GABRG1: variants seen among roughly 807,000 people sequenced by gnomAD.
The protein encoded by GABRG1 is gamma-aminobutyric acid type A receptor subunit gamma1.
GABRG1 carries 49 observed loss-of-function variants against 49.8 expected under a neutral mutation model. The observed-to-expected ratio is 0.98, with a 90% CI of 0.78 to 1.25. The LOEUF is 1.25. Among genes scored for constraint, GABRG1 ranks in the 50% most tolerant of loss-of-function variants. The pLI, the probability that GABRG1 is intolerant of heterozygous loss-of-function variation, is 0.00. For missense variants in GABRG1, 552 were observed against 552.3 expected (o/e 1.00, Z 0.01); for synonymous variants, 232 against 185.1 (o/e 1.25, Z -2.06).
chr4:46,056,717 A>G (rs1396938446), intron 7 of GABRG1, among the ~76,000 whole-genome samples: 2 of 152,130 alleles, frequency 1.3e-5, no homozygotes, highest in Non-Finnish European at 2.9e-5. Context: ...AAAGCATTGG[A>G]TACATTGTAG....
At chr4:46,063,503 G>A (rs977820544) in intron 5 of GABRG1, among the ~76,000 whole-genome samples, 4 of 152,238 alleles carry the variant, frequency 2.6e-5, no homozygotes, top group Admixed American at 6.5e-5. Context: ...GGTGAAACTG[G>A]ATCCCTTCCT....
At position 46,118,077 on chromosome 4, in the gene GABRG1, T is replaced by C. The variant is rs1190780434; in HGVS notation, c.104+5733A>G. On this transcript the variant is annotated intron_variant, in intron 1 of 8. Transcript: ENST00000295452. ...GTGTATGTATACATATGTGTGTGTATATATATACATATGTATACATATGTG... is the reference window on the plus strand; with the variant it reads ...GTGTATGTATACATATGTGTGTGTACATATATACATATGTATACATATGTG... 5.0e-5 allele frequency among the ~76,000 whole-genome samples: 6 copies of C among 120,786 alleles called. 1 individual carries two copies. 79.2% of individuals were successfully genotyped at this position (120,786 alleles called of 152,430 possible).
rs1295036559 is a variant in GABRG1 at position 46,037,219 on chromosome 4, C to T, written c.*3769G>A. ...AGTACTTTGTACACAGAAAGTGCTG[C>T]ATATATATTTGAATGAGGTTACCTC... On this transcript the variant is annotated 3_prime_UTR_variant, in exon 9 of 9. Coordinates refer to ENST00000295452, the MANE Select transcript of GABRG1 (RefSeq NM_173536.4). 6.6e-6 allele frequency: 1 copy of T among 151,792 alleles called. No homozygotes were observed. Among genetic ancestry groups the T allele is most frequent in the Non-Finnish European group, 1.5e-5 (1 of 67,854 alleles). The allele number at this position is 151,792 out of a possible 1,614,324, so 9.4% of individuals were successfully genotyped here. A position where few individuals can be genotyped will look rare whatever the true frequency, so the allele number is the denominator to read the frequency against.
chr4:46,061,672 T>C (rs1003436065), intron 5 of GABRG1, among the ~76,000 whole-genome samples: 1 of 145,478 alleles, frequency 6.9e-6, no homozygotes, highest in Non-Finnish European at 1.5e-5. Flanking sequence ...ATATACCAGG[T>C]TTTTTTTTAG....
At chr4:46,065,853 G>T (rs1016911140) in intron 3 of GABRG1, among the ~76,000 whole-genome samples, 1 of 152,102 alleles carries the variant, frequency 6.6e-6, no homozygotes, top group Non-Finnish European at 1.5e-5. Flanking sequence ...CTCCGGAGGA[G>T]CTGGGACAAC....
chr4:46,102,846 C>G (rs548508485), intron 1 of GABRG1, among the ~76,000 whole-genome samples: 28 of 151,594 alleles, frequency 1.8e-4, no homozygotes, highest in Non-Finnish European at 3.5e-4. Context: ...AAAGACAAGG[C>G]ATGCTTTGCC....
At chr4:46,046,864 T>C (rs956465208) in intron 8 of GABRG1, among the ~76,000 whole-genome samples, 4 of 152,136 alleles carry the variant, frequency 2.6e-5, no homozygotes, top group African/African-American at 9.6e-5. Flanking sequence ...TACATAGAAA[T>C]ATACCATCCT....
intron 3 of GABRG1, among the ~76,000 whole-genome samples, chr4:46,076,260 G>T (rs1366463296): frequency 6.7e-6 from 1 of 149,216 alleles, no homozygotes; most frequent in African/African-American, 2.5e-5. Context: ...GGAAATTTTG[G>T]TTTTTAACAT....
Position 46,071,142 on chromosome 4 carries a change from C to T in GABRG1, c.322-5558G>A, listed in dbSNP as rs1719103535. ...TGCTGATATAAACAAACCTATTATG[C>T]TGCCAGTTGTTTAAAAGTATAATAC... On this transcript the variant is annotated intron_variant, in intron 3 of 8. Transcript: ENST00000295452. Among the ~76,000 whole-genome samples, 7 of 151,970 alleles carry T rather than the reference C, an allele frequency of 4.6e-5. No individual in the cohort carries two copies. In the South Asian group the frequency reaches 1.5e-3, roughly 32 times the overall value.
In GABRG1 at chr4:46,061,683, G is replaced by A. The variant is rs76039379; in HGVS notation, c.625+2758C>T. On this transcript the variant is annotated intron_variant, in intron 5 of 8. Transcript: ENST00000295452. Reference sequence around the variant, plus strand: ...AAGAATATACCAGGTTTTTTTTTAGGATAAATAAAAGCATTTTAATATAAC... The same window carrying A: ...AAGAATATACCAGGTTTTTTTTTAGAATAAATAAAAGCATTTTAATATAAC... Among the ~76,000 whole-genome samples the A allele has an allele frequency of 3.0e-4, 45 of 151,198 alleles. No individual in the cohort carries two copies. The East Asian group carries it at 3.3e-3, about 11-fold the overall frequency.
chr4:46,103,585 AT>A (rs1361692104), intron 1 of GABRG1, among the ~76,000 whole-genome samples: 1 of 151,582 alleles, frequency 6.6e-6, no homozygotes, highest in Non-Finnish European at 1.5e-5. Context: ...GTGAATTAAT[AT>A]AAAATCCAGA....
At chr4:46,063,484 A>G (rs536184075) in intron 5 of GABRG1, among the ~76,000 whole-genome samples, 20 of 152,322 alleles carry the variant, frequency 1.3e-4, no homozygotes, top group African/African-American at 4.8e-4. Flanking sequence ...GGCTAGCCAT[A>G]TGTAGAAAGG....
intron 1 of GABRG1, among the ~76,000 whole-genome samples, chr4:46,104,405 C>T (rs780786314): frequency 1.3e-5 from 2 of 151,306 alleles, no homozygotes; most frequent in South Asian, 2.1e-4. Context: ...AATTTATTGC[C>T]GTGTTGTTGT....
chr4:46,082,184 T>G (rs1476904108), intron 3 of GABRG1, among the ~76,000 whole-genome samples: 1 of 151,900 alleles, frequency 6.6e-6, no homozygotes, highest in Non-Finnish European at 1.5e-5. Flanking sequence ...ATATTGGCAT[T>G]GTTAATTTTG....
chr4:46,074,102 G>A (rs1233297196), intron 3 of GABRG1, among the ~76,000 whole-genome samples: 1 of 152,156 alleles, frequency 6.6e-6, no homozygotes, highest in Non-Finnish European at 1.5e-5. Flanking sequence ...ATAGCCAATA[G>A]GCAAACTTGC....
intron 1 of GABRG1, 118 bp downstream of exon 1, chr4:46,123,692 C>T (rs190144927): frequency 3.0e-6 from 2 of 674,886 alleles, no homozygotes; most frequent in African/African-American, 1.8e-5. Flanking sequence ...GTAAATACCA[C>T]ATATGTGTTA....
intron 1 of GABRG1, among the ~76,000 whole-genome samples, chr4:46,119,874 C>T (rs987338530): frequency 3.3e-5 from 5 of 151,710 alleles, no homozygotes; most frequent in Middle Eastern, 3.4e-3. Flanking sequence ...CACAAGGATC[C>T]ATATATTTCA....
At chr4:46,082,764 C>T (rs753947438) in intron 3 of GABRG1, among the ~76,000 whole-genome samples, 33 of 151,672 alleles carry the variant, frequency 2.2e-4, no homozygotes, top group Non-Finnish European at 3.7e-4. Context: ...CATCTTCTCT[C>T]GGTTTTGCTC....
rs1475357039 is a variant in GABRG1, at chr4:46,073,663, C to T, written c.322-8079G>A. Among the ~76,000 whole-genome samples the T allele has an allele frequency of 3.0e-4, 45 of 151,922 alleles. 1 individual carries two copies. In the Admixed American group the frequency reaches 3.0e-3, roughly 10 times the overall value. Reference sequence around the variant, plus strand: ...TCCCCTTTATTCATGGGGATACATTCCAAGATCCCCATTGAATGCCTGCAA... The same window carrying T: ...TCCCCTTTATTCATGGGGATACATTTCAAGATCCCCATTGAATGCCTGCAA... On this transcript the variant is annotated intron_variant, in intron 3 of 8. Coordinates refer to ENST00000295452, the MANE Select transcript of GABRG1 (RefSeq NM_173536.4).
Sources: gnomAD v4.1 joint callset for allele counts (sites outside exome capture counted in the v4.1 genomes callset) on GRCh38, gnomAD v4.1.1 for gene constraint, MANE v1.5 for transcripts, NCBI Gene and HGNC (gene_info 2026-07-23, HGNC 2026-07-21) for gene names.